The following CEMIP2 variants were observed in gnomAD, a reference collection of about 807,000 sequenced individuals.
CEMIP2 encodes cell migration inducing hyaluronidase 2.
CEMIP2 carries 79 observed loss-of-function variants against 146.9 expected under a neutral mutation model. That is an observed-to-expected ratio of 0.54 (90% confidence interval 0.45 to 0.65). The LOEUF (loss-of-function observed/expected upper bound fraction) is 0.65. Among genes scored for constraint, CEMIP2 ranks in the 30% least tolerant of loss-of-function variants. The pLI is 0.00. For synonymous variants in CEMIP2, 601 were observed against 606.3 expected, an observed-to-expected ratio of 0.99 and a Z score of 0.13; for missense variants, 1,596 against 1,696.2, an observed-to-expected ratio of 0.94 and a Z score of 1.04.
intron 20 of CEMIP2, 94 bp downstream of exon 20, chr9:71,697,891 G>C: frequency 1.6e-6 from 2 of 1,253,378 alleles, no homozygotes; most frequent in Non-Finnish European, 2.2e-6. Context: ...CCATAAATGG[G>C]CAATATAGAT....
intron 23 of CEMIP2, 72 bp downstream of exon 23, chr9:71,685,671 G>T: frequency 7.9e-7 from 1 of 1,263,224 alleles, no homozygotes; most frequent in Non-Finnish European, 1.1e-6. Context: ...TGGTCTGGTA[G>T]CTGAATTGCA....
intron 10 of CEMIP2, among the ~76,000 whole-genome samples, chr9:71,726,928 G>A (rs917718620): frequency 7.9e-5 from 12 of 152,140 alleles, no homozygotes; most frequent in African/African-American, 2.9e-4. Flanking sequence ...GGAGTGGGAC[G>A]GGGATAAGGG....
At chr9:71,716,733 G>T (rs1823067620) in intron 13 of CEMIP2, among the ~76,000 whole-genome samples, 181 bp from the exon 14 acceptor site, 1 of 152,198 alleles carries the variant, frequency 6.6e-6, no homozygotes, top group Admixed American at 6.5e-5. Context: ...AGGGCACCCA[G>T]TTCAAATCCG....
intron 10 of CEMIP2, among the ~76,000 whole-genome samples, chr9:71,728,350 C>T (rs1230122960): frequency 8.2e-6 from 1 of 121,738 alleles, no homozygotes; most frequent in Non-Finnish European, 1.7e-5. Context: ...GGTATGATGG[C>T]ATGTGCCTGT....
At chr9:71,728,683 A>C (rs1363088425) in intron 10 of CEMIP2, among the ~76,000 whole-genome samples, 1 of 151,998 alleles carries the variant, frequency 6.6e-6, no homozygotes, top group African/African-American at 2.4e-5. Context: ...AAGGAAATGA[A>C]ATTCCCACTT....
At chr9:71,724,303 A>G (rs1356844252) in intron 11 of CEMIP2, among the ~76,000 whole-genome samples, 1 of 136,640 alleles carries the variant, frequency 7.3e-6, no homozygotes, top group Non-Finnish European at 1.7e-5. Context: ...CAAAAAAAGA[A>G]AAAAAAAAAT....
At chr9:71,701,675 C>T (rs1822566438) in intron 18 of CEMIP2, among the ~76,000 whole-genome samples, 1 of 152,036 alleles carries the variant, frequency 6.6e-6, no homozygotes, top group Non-Finnish European at 1.5e-5. Flanking sequence ...CTTTTTAAAG[C>T]TTTTGATGCA....
chr9:71,728,832 T>TGTGC (rs1324814230), intron 10 of CEMIP2, among the ~76,000 whole-genome samples: 1 of 150,440 alleles, frequency 6.6e-6, no homozygotes, highest in Admixed American at 6.6e-5. Flanking sequence ...TGTGTGTGTG[T>TGTGC]GTGTGTGTGT....
chr9:71,745,806 T>C (rs1448711480), intron 3 of CEMIP2, among the ~76,000 whole-genome samples: 2 of 152,224 alleles, frequency 1.3e-5, no homozygotes, highest in Non-Finnish European at 2.9e-5. Context: ...GGTTAAATCA[T>C]TTCTCTTAAA....
chr9:71,705,162 A>G (rs1822698060), intron 17 of CEMIP2, among the ~76,000 whole-genome samples: 1 of 152,108 alleles, frequency 6.6e-6, no homozygotes, highest in Non-Finnish European at 1.5e-5. Flanking sequence ...TAATGTGAAA[A>G]CTGATATCCT....
At chr9:71,745,620 C>A (rs901801407) in intron 3 of CEMIP2, 41 bp from the exon 4 acceptor site, 22 of 1,511,978 alleles carry the variant, frequency 1.5e-5, no homozygotes, top group Non-Finnish European at 1.9e-5. Flanking sequence ...TCTAAATCAT[C>A]TTTCTGAGAT....
chr9:71,711,923 A>G (rs1310194023), intron 16 of CEMIP2, among the ~76,000 whole-genome samples, 160 bp downstream of exon 16: 1 of 152,208 alleles, frequency 6.6e-6, no homozygotes, highest in Non-Finnish European at 1.5e-5. Context: ...CCTTGAACTC[A>G]ATGGGAGAGA....
chr9:71,730,731 T>C lies in CEMIP2; in HGVS notation c.1747A>G (p.Thr583Ala), dbSNP rs764826481. ...AGCAAGCCATTTGTCCCATGCACAG[T>C]GATGCACCTTGAGAAGCTGTGATGA... ...SIHHSFSRCI[T>A]VHGTNGLLIK... is the part of the protein sequence containing the mutation. The change falls in exon 8 of 24, where the codon ACT becomes GCT. Residue 583 changes from threonine to alanine, a missense_variant. Physicochemically the swap from Thr to Ala is moderately conservative, Grantham distance 58. Coordinates refer to ENST00000377044, the MANE Select transcript of CEMIP2 (RefSeq NM_013390.3). 2.2e-5 allele frequency: 36 copies of C among 1,614,078 alleles called. No homozygotes were observed. The highest frequency in any genetic ancestry group is 3.1e-5 in the Non-Finnish European group (36 of 1,180,038).
intron 10 of CEMIP2, among the ~76,000 whole-genome samples, chr9:71,728,092 A>G (rs1287450060): frequency 2.7e-5 from 4 of 148,910 alleles, no homozygotes; most frequent in African/African-American, 7.4e-5. Context: ...TAGCCTGAGT[A>G]TGGTGGCTCA....
At chr9:71,735,095 G>C (rs1421327512) in intron 5 of CEMIP2, 101 bp from the exon 6 acceptor site, 1 of 1,396,756 alleles carries the variant, frequency 7.2e-7, no homozygotes, top group Non-Finnish European at 9.5e-7. Context: ...CAAAAGTTAA[G>C]ATAACCACGA....
chr9:71,721,211 T>C (rs965104223), intron 12 of CEMIP2, among the ~76,000 whole-genome samples: 3 of 152,224 alleles, frequency 2.0e-5, no homozygotes, highest in Admixed American at 2.0e-4. Flanking sequence ...ATTATATTAG[T>C]TCTACCAATT....
chr9:71,698,163 C>T lies in CEMIP2; in HGVS notation c.3419G>A (p.Gly1140Asp). 6.2e-7 allele frequency: 1 copy of T among 1,614,138 alleles called. No individual in the cohort carries two copies. The highest frequency in any genetic ancestry group is 8.5e-7 in the Non-Finnish European group (1 of 1,180,020). The change falls in exon 20 of 24, where the codon GGC (glycine) becomes GAC (aspartate). Residue 1140 changes from glycine to aspartate, a missense_variant. By Grantham distance (94) the Gly-to-Asp change is moderately conservative. Transcript: ENST00000377044. ...LYLKAKSHRH[G>D]HSYCSSQGCE... ...TCCCTGAGATGAACAGTAACTGTGG[C>T]CATGCCTGTGGCTTTTGGCTTTGAG... is the stretch of plus-strand genomic sequence containing the variant.
At chr9:71,716,457 A>C (rs1823060113) in intron 14 of CEMIP2, 60 bp downstream of exon 14, 3 of 1,384,006 alleles carry the variant, frequency 2.2e-6, no homozygotes, top group Non-Finnish European at 3.0e-6. Context: ...TATCAGAAAA[A>C]AAAATCAAGG....
intron 1 of CEMIP2, among the ~76,000 whole-genome samples, chr9:71,757,376 T>C (rs988810926): frequency 6.6e-6 from 1 of 152,220 alleles, no homozygotes; most frequent in Admixed American, 6.5e-5. Context: ...AAGGACATAA[T>C]TTTTTAAACA....
Sources: allele counts gnomAD v4.1 joint callset (sites outside exome capture counted in the v4.1 genomes callset), GRCh38; gene constraint gnomAD v4.1.1; transcripts MANE v1.5; gene names NCBI Gene and HGNC (gene_info 2026-07-23, HGNC 2026-07-21).